MCM9: variants seen among roughly 807,000 people sequenced by gnomAD.
The protein encoded by MCM9 is minichromosome maintenance 9 homologous recombination repair factor, also known as DNA helicase MCM9.
MCM9 carries 55 observed loss-of-function variants against 72.8 expected under a neutral mutation model. The ratio of observed to expected loss-of-function variants is 0.76; its 90% CI spans 0.61 to 0.95. The LOEUF is 0.95. Among genes scored for constraint, MCM9 ranks in the 40% least tolerant of loss-of-function variants. MCM9 has a pLI of 0.00. For missense variants in MCM9, 1,279 were observed against 1,377.0 expected (o/e 0.93, Z 1.13); for synonymous variants, 480 against 503.4 (o/e 0.95, Z 0.62).
At chr6:118,854,416 G>A (rs1296529607) in intron 9 of MCM9, among the ~76,000 whole-genome samples, 1 of 151,724 alleles carries the variant, frequency 6.6e-6, no homozygotes, top group Non-Finnish European at 1.5e-5. Context: ...AGTGGAGTAC[G>A]ATCTTGGCTT....
chr6:118,837,411 C>T (rs1407441017), intron 9 of MCM9, among the ~76,000 whole-genome samples: 1 of 152,084 alleles, frequency 6.6e-6, no homozygotes, highest in Non-Finnish European at 1.5e-5. Flanking sequence ...GAGTTCAAGT[C>T]CTGAATATCC....
At chr6:118,895,675 ATTATC>A (rs1218805814) in intron 8 of MCM9, among the ~76,000 whole-genome samples, 2 of 152,166 alleles carry the variant, frequency 1.3e-5, no homozygotes, top group African/African-American at 2.4e-5. Flanking sequence ...TAAAACGACA[ATTATC>A]TTTGCTTTAA....
At chr6:118,894,696 C>T (rs1156445123) in intron 8 of MCM9, among the ~76,000 whole-genome samples, 1 of 152,228 alleles carries the variant, frequency 6.6e-6, no homozygotes, top group Non-Finnish European at 1.5e-5. Context: ...GCGCGGCTTT[C>T]CGCCGCAGCC....
intron 5 of MCM9, chr6:118,921,367 G>C (rs569743508): frequency 3.3e-5 from 5 of 152,258 alleles, no homozygotes; most frequent in Admixed American, 2.0e-4. Flanking sequence ...TCTAACTATT[G>C]AAAGTTGGCT....
intron 8 of MCM9, among the ~76,000 whole-genome samples, chr6:118,890,031 C>T (rs915059665): frequency 6.6e-6 from 1 of 152,214 alleles, no homozygotes; most frequent in Non-Finnish European, 1.5e-5. Context: ...CCATCCCCCA[C>T]ACCTTCCAAG....
chr6:118,828,909 C>T lies in MCM9; in HGVS notation c.1528+139G>A, dbSNP rs1029672198. ...GCCCCGTAAGTGGCTCCTCTCACTG[C>T]TTTCTGTCTAAGCTTTTCTCTATTG... On this transcript the variant is annotated intron_variant, in intron 10 of 13. Transcript: ENST00000619706. 4.4e-5 allele frequency: 39 copies of T among 887,536 alleles called. No homozygotes were observed. The South Asian group carries it at 6.9e-4, about 16-fold the overall frequency. The allele number at this position is 887,536 out of a possible 1,614,324, so 55.0% of individuals were successfully genotyped here. A position where few individuals can be genotyped will look rare whatever the true frequency, so the allele number is the denominator to read the frequency against.
intron 10 of MCM9, 44 bp downstream of exon 10, chr6:118,829,004 C>T: frequency 6.6e-7 from 1 of 1,523,124 alleles, no homozygotes; most frequent in Non-Finnish European, 8.9e-7. Context: ...TTAGTTACAG[C>T]TAATCTCTCT....
chr6:118,930,150 G>T (rs980927841), intron 3 of MCM9, among the ~76,000 whole-genome samples: 1 of 151,570 alleles, frequency 6.6e-6, no homozygotes, highest in African/African-American at 2.4e-5. Flanking sequence ...TCGCTCTGTT[G>T]CCCAGGCTGG....
chr6:118,838,319 C>T (rs36142021), intron 9 of MCM9, among the ~76,000 whole-genome samples: 44,532 of 150,668 alleles, frequency 0.3, 7,134 homozygotes, highest in East Asian at 0.62. Flanking sequence ...CCCGCCACCA[C>T]GCCTGGCTTT....
chr6:118,858,593 T>C (rs529949915), intron 8 of MCM9, among the ~76,000 whole-genome samples: 1 of 152,118 alleles, frequency 6.6e-6, no homozygotes, highest in Non-Finnish European at 1.5e-5. Context: ...GCAGACAATA[T>C]GATTAGATAG....
intron 8 of MCM9, chr6:118,894,486 G>C: frequency 1.3e-6 from 2 of 1,537,192 alleles, no homozygotes; most frequent in Non-Finnish European, 8.7e-7. Flanking sequence ...GTTCCAGTTC[G>C]AGATCACCTT....
chr6:118,895,397 G>A (rs1007567330), intron 8 of MCM9, among the ~76,000 whole-genome samples: 38 of 152,324 alleles, frequency 2.5e-4, no homozygotes, highest in African/African-American at 8.9e-4. Context: ...CCTAAAAGCA[G>A]AAATAAGATA....
intron 8 of MCM9, among the ~76,000 whole-genome samples, chr6:118,887,569 A>C (rs576940433): frequency 6.6e-6 from 1 of 152,328 alleles, no homozygotes; most frequent in East Asian, 1.9e-4. Context: ...GGATTAGGCA[A>C]TGGTTTTTGA....
chr6:118,886,538 T>C (rs1423911876), intron 8 of MCM9, among the ~76,000 whole-genome samples: 1 of 151,990 alleles, frequency 6.6e-6, no homozygotes, highest in Non-Finnish European at 1.5e-5. Flanking sequence ...AAAAAATCAA[T>C]TCTATGTCTA....
At chr6:118,862,129 A>G (rs1394159637) in intron 8 of MCM9, among the ~76,000 whole-genome samples, 1 of 152,192 alleles carries the variant, frequency 6.6e-6, no homozygotes, top group African/African-American at 2.4e-5. Flanking sequence ...AGGAGTGGGG[A>G]AAGGCCAGGG....
At chr6:118,829,323 A>G in intron 9 of MCM9, 73 bp from the exon 10 acceptor site, 1 of 1,381,204 alleles carries the variant, frequency 7.2e-7, no homozygotes, top group Non-Finnish European at 9.7e-7. Context: ...TGTTAATAAA[A>G]TGGGGCTGCT....
At chr6:118,893,666 A>G (rs563433802) in intron 8 of MCM9, among the ~76,000 whole-genome samples, 1 of 152,244 alleles carries the variant, frequency 6.6e-6, no homozygotes, top group Admixed American at 6.5e-5. Flanking sequence ...ACATCGGTCT[A>G]TAACATGCAA....
chr6:118,884,826 T>C (rs941071373), intron 8 of MCM9, among the ~76,000 whole-genome samples: 33 of 152,316 alleles, frequency 2.2e-4, no homozygotes, highest in African/African-American at 7.9e-4. Flanking sequence ...GCAATTAAAA[T>C]GGGCATTTTA....
At chr6:118,919,673 C>G (rs1781277173) in intron 5 of MCM9, 1 of 152,192 alleles carries the variant, frequency 6.6e-6, no homozygotes, top group Non-Finnish European at 1.5e-5. Flanking sequence ...CCTTAAACTT[C>G]TGTATTTTTC....
Sources: gnomAD v4.1 joint callset for allele counts (sites outside exome capture counted in the v4.1 genomes callset) on GRCh38, gnomAD v4.1.1 for gene constraint, MANE v1.5 for transcripts, NCBI Gene and HGNC (gene_info 2026-07-23, HGNC 2026-07-21) for gene names.